FBXL2: variants seen among roughly 807,000 people sequenced by gnomAD.
FBXL2 encodes F-box and leucine rich repeat protein 2.
In FBXL2, 38 loss-of-function variants were observed where a neutral mutation model predicts 69.2. The observed-to-expected ratio is 0.55, with a 90% CI of 0.42 to 0.72. The LOEUF (loss-of-function observed/expected upper bound fraction) is 0.72, where lower values mean the gene tolerates loss of function less well. Among genes scored for constraint, FBXL2 ranks in the 30% least tolerant of loss-of-function variants. FBXL2 has a pLI of 0.00. For synonymous variants in FBXL2, 192 were observed against 201.3 expected (o/e 0.95, Z 0.39); for missense variants, 354 against 520.3 (o/e 0.68, Z 3.11).
At chr3:33,372,858 G>T in intron 5 of FBXL2, 1 of 591,976 alleles carries the variant, frequency 1.7e-6, no homozygotes, top group Non-Finnish European at 3.0e-6. Flanking sequence ...TTCTCAAAAC[G>T]TGGTCCCTAG....
At chr3:33,392,821 G>A (rs1372973816), downstream of FBXL2, 1 of 483,152 alleles carries the variant, frequency 2.1e-6, no homozygotes, top group African/African-American at 2.0e-5. Context: ...GTCCCTGAGA[G>A]ACCTGGTCAG....
At chr3:33,420,323 T>TAATA in the FBXL2 span, among the ~76,000 whole-genome samples, 2 of 148,234 alleles carry the variant, frequency 1.3e-5, no homozygotes, top group African/African-American at 5.3e-5. Flanking sequence ...TGTACTTTAT[T>TAATA]AACATTCTTT....
At chr3:33,348,185 T>G (rs1428065809) in intron 2 of FBXL2, among the ~76,000 whole-genome samples, 1 of 152,196 alleles carries the variant, frequency 6.6e-6, no homozygotes, top group Non-Finnish European at 1.5e-5. Context: ...TAATCCATTT[T>G]AATTTGATTT....
At chr3:33,404,544 G>C (rs187083551), downstream of FBXL2, among the ~76,000 whole-genome samples, 7 of 151,630 alleles carry the variant, frequency 4.6e-5, no homozygotes, top group East Asian at 1.4e-3. Flanking sequence ...CTACTTGGGA[G>C]TCTGAGACAG....
intron 2 of FBXL2, among the ~76,000 whole-genome samples, chr3:33,344,126 A>G (rs531135438): frequency 6.6e-6 from 1 of 152,128 alleles, no homozygotes; most frequent in African/African-American, 2.4e-5. Context: ...AAAAGAAAAA[A>G]AGCTATAAAA....
intron 2 of FBXL2, among the ~76,000 whole-genome samples, chr3:33,336,663 T>C (rs2039602240): frequency 6.6e-6 from 1 of 152,160 alleles, no homozygotes; most frequent in African/African-American, 2.4e-5. Context: ...TCCTGGCACT[T>C]TGGGAGACCG....
intron 2 of FBXL2, among the ~76,000 whole-genome samples, chr3:33,321,867 G>A (rs1290583628): frequency 6.6e-6 from 1 of 152,036 alleles, no homozygotes; most frequent in African/African-American, 2.4e-5. Context: ...CATTGTATAT[G>A]TAGTCCATTA....
chr3:33,357,130 A>C (rs2041257469), intron 2 of FBXL2, among the ~76,000 whole-genome samples: 1 of 152,246 alleles, frequency 6.6e-6, no homozygotes, highest in Non-Finnish European at 1.5e-5. Flanking sequence ...TGGTTGGCAC[A>C]TAGTTGGTGC....
At chr3:33,337,383 T>C (rs946267922) in intron 2 of FBXL2, among the ~76,000 whole-genome samples, 1 of 152,096 alleles carries the variant, frequency 6.6e-6, no homozygotes, top group East Asian at 1.9e-4. Context: ...AATAATTATA[T>C]GAATAGGTGC....
intron 1 of FBXL2, 32 bp downstream of exon 1, chr3:33,277,547 C>G: frequency 7.9e-7 from 1 of 1,271,262 alleles, no homozygotes; most frequent in African/African-American, 1.5e-5. Flanking sequence ...GCCTAGCTGC[C>G]CCGCCCTACC....
chr3:33,321,691 A>G (rs78821832), intron 2 of FBXL2, among the ~76,000 whole-genome samples: 3,565 of 152,318 alleles, frequency 0.023, 64 homozygotes, highest in Admixed American at 0.061. Context: ...GGTATAGCCT[A>G]TTGCATATCT....
Position 33,401,925 on chromosome 3 carries a change from T to A in FBXL2, n.1215-1309T>A, listed in dbSNP as rs1483578648. On this transcript the variant is annotated intron_variant and non_coding_transcript_variant, in intron 12 of 12. Transcript: ENST00000463736. ...TCCTCTGGTCACTCCTCTAATTTTC[T>A]GAGTCCAAGGCTATTTTTCTACTCT... Among the ~76,000 whole-genome samples, 3 of 152,242 alleles carry A rather than the reference T, an allele frequency of 2.0e-5. No homozygotes were observed. The East Asian group carries it at 5.8e-4, about 29-fold the overall frequency.
intron 2 of FBXL2, among the ~76,000 whole-genome samples, chr3:33,320,631 C>T (rs1211720961): frequency 6.6e-6 from 1 of 152,064 alleles, no homozygotes; most frequent in South Asian, 2.1e-4. Context: ...CAGGCGTGCA[C>T]GACCATGCCT....
the FBXL2 span, chr3:33,408,663 A>C: frequency 1.3e-6 from 2 of 1,592,704 alleles, 1 homozygote; most frequent in South Asian, 2.3e-5. Context: ...TTCTTGCACA[A>C]TGAAAAGAGA....
intron 2 of FBXL2, among the ~76,000 whole-genome samples, chr3:33,334,691 CAGTG>C (rs1416352119): frequency 1.3e-5 from 2 of 152,074 alleles, no homozygotes; most frequent in Non-Finnish European, 2.9e-5. Flanking sequence ...TCAAGAAGCT[CAGTG>C]AGTAAATATG....
chr3:33,392,443 C>T (rs1314003583), downstream of FBXL2: 3 of 851,002 alleles, frequency 3.5e-6, no homozygotes, highest in Non-Finnish European at 5.2e-6. Context: ...ATTTATCAAA[C>T]TTTCTTCTTA....
chr3:33,373,590 A>C lies in FBXL2; in HGVS notation c.468A>C (p.Arg156=), dbSNP rs886460912. Residue 156 remains arginine (R), a synonymous_variant, in exon 8 of 15, where the codon CGA becomes CGC. Coordinates refer to ENST00000484457, the MANE Select transcript of FBXL2 (RefSeq NM_012157.5). ...CTTGTTCTCTCAGTGAGGGCTGCCG[A>C]AACCTGGAGTACCTGAACCTCTCTT... ...SSLKGISEGC[R]NLEYLNLSWC... 3.1e-6 allele frequency: 5 copies of C among 1,614,174 alleles called. No homozygotes were observed. The highest frequency in any genetic ancestry group is 4.2e-6 in the Non-Finnish European group (5 of 1,180,024).
intron 10 of FBXL2, among the ~76,000 whole-genome samples, chr3:33,376,436 A>G (rs1417569788): frequency 2.0e-5 from 3 of 152,238 alleles, no homozygotes; most frequent in Non-Finnish European, 4.4e-5. Flanking sequence ...TAGAGAAGGT[A>G]CTATATCATT....
intron 1 of FBXL2, among the ~76,000 whole-genome samples, chr3:33,295,123 T>G (rs2035616811): frequency 6.6e-6 from 1 of 152,220 alleles, no homozygotes; most frequent in Non-Finnish European, 1.5e-5. Context: ...CATCATATAC[T>G]ATAAATTTTG....
Sources: gnomAD v4.1 joint callset for allele counts (sites outside exome capture counted in the v4.1 genomes callset) on GRCh38, gnomAD v4.1.1 for gene constraint, MANE v1.5 for transcripts, NCBI Gene and HGNC (gene_info 2026-07-23, HGNC 2026-07-21) for gene names.